Variants in ZNF385D observed in about 807,000 individuals in gnomAD.
ZNF385D encodes zinc finger protein 385D, also known as zinc finger protein 659.
A neutral mutation model predicts 35.8 loss-of-function variants in ZNF385D; 15 were observed. That is an observed-to-expected ratio of 0.42 (90% CI 0.28 to 0.64). The LOEUF is 0.64. ZNF385D is among the 30% of genes least tolerant of loss of function. The probability of loss-of-function intolerance (pLI) is 0.23; values close to 1 mark genes in which losing one functional copy is unlikely to be tolerated. For synonymous variants in ZNF385D, 212 were observed against 186.8 expected (o/e 1.13, Z -1.10); for missense variants, 474 against 494.6 (o/e 0.96, Z 0.39).
At chr3:21,934,886 A>C (rs1489399017) in intron 3 of ZNF385D, among the ~76,000 whole-genome samples, 1 of 152,204 alleles carries the variant, frequency 6.6e-6, no homozygotes, top group Non-Finnish European at 1.5e-5. Context: ...TTTATTTACC[A>C]AATAATTCTC....
intron 2 of ZNF385D, among the ~76,000 whole-genome samples, chr3:21,608,014 T>TTTTTTTTTTGTTTTTTTTTGG (rs1559455167): frequency 2.6e-5 from 3 of 113,724 alleles, no homozygotes; most frequent in African/African-American, 9.7e-5. Flanking sequence ...TTTTTCTTCT[T>TTTTTTTTTTGTTTTTTTTTGG]TTTTTTTTGT....
At chr3:22,033,966 A>C (rs897966704) in intron 3 of ZNF385D, among the ~76,000 whole-genome samples, 1 of 152,190 alleles carries the variant, frequency 6.6e-6, no homozygotes, top group African/African-American at 2.4e-5. Context: ...TCTCCAGGAA[A>C]CCTGAGACGG....
At chr3:22,067,690 A>G (rs1396622755) in intron 3 of ZNF385D, among the ~76,000 whole-genome samples, 1 of 152,228 alleles carries the variant, frequency 6.6e-6, no homozygotes, top group South Asian at 2.1e-4. Flanking sequence ...TTCAAATTAT[A>G]TAAGGGAAAG....
intron 3 of ZNF385D, among the ~76,000 whole-genome samples, chr3:21,870,023 C>G (rs1697601516): frequency 6.6e-6 from 1 of 151,764 alleles, no homozygotes; most frequent in Admixed American, 6.6e-5. Context: ...TAAAAAACAA[C>G]TTTCTCAAAT....
intron 3 of ZNF385D, among the ~76,000 whole-genome samples, chr3:21,882,240 T>C (rs3912211): frequency 0.058 from 8,893 of 152,026 alleles, 417 homozygotes; most frequent in South Asian, 0.19. Flanking sequence ...GCAGTAAACA[T>C]CTTTGTCTTT....
intron 3 of ZNF385D, among the ~76,000 whole-genome samples, chr3:21,844,128 T>A (rs2125792993): frequency 6.6e-6 from 1 of 152,110 alleles, no homozygotes; most frequent in South Asian, 2.1e-4. Context: ...TTTCACTATC[T>A]TATGTAATTT....
In ZNF385D at chr3:21,414,910, T is replaced by A. The variant is rs1036331723; in HGVS notation, c.*6304A>T. ...TCAATTCCTTTTTCATCTCTACTAA[T>A]GTTAGCATAACATCATAAGAGACAT... On this transcript the variant is annotated 3_prime_UTR_variant, in exon 8 of 8. Coordinates refer to ENST00000281523, the MANE Select transcript of ZNF385D (RefSeq NM_024697.3). The A allele has an allele frequency of 1.3e-5, 2 of 152,256 alleles. No homozygotes were observed. Among genetic ancestry groups the A allele is most frequent in the East Asian group, 3.9e-4 (2 of 5,184 alleles). 9.4% of individuals were successfully genotyped at this position (152,256 alleles called of 1,614,324 possible).
chr3:22,337,787 G>C (rs896938248), intron 2 of ZNF385D, among the ~76,000 whole-genome samples: 4 of 152,172 alleles, frequency 2.6e-5, no homozygotes, highest in African/African-American at 9.7e-5. Context: ...GGCAGGAAAA[G>C]AATGGAACCA....
At chr3:21,614,006 T>C (rs944981847) in intron 2 of ZNF385D, among the ~76,000 whole-genome samples, 4 of 152,168 alleles carry the variant, frequency 2.6e-5, no homozygotes, top group African/African-American at 9.7e-5. Flanking sequence ...GTGAGACTCA[T>C]TTATGTGTGG....
chr3:21,748,745 C>T (rs2125548469), intron 1 of ZNF385D, among the ~76,000 whole-genome samples: 1 of 152,306 alleles, frequency 6.6e-6, no homozygotes, highest in South Asian at 2.1e-4. Context: ...GAAATCGCTA[C>T]AATTTTGAAC....
rs528896528 is a variant in ZNF385D, at chr3:21,803,797, C to T, written c.326-138769G>A. Among the ~76,000 whole-genome samples the T allele has an allele frequency of 3.9e-5, 6 of 152,276 alleles. No homozygotes were observed. The East Asian group carries it at 1.2e-3, about 29-fold the overall frequency. On this transcript the variant is annotated intron_variant, in intron 3 of 5. Coordinates refer to the ZNF385D transcript ENST00000494108. Reference sequence around the variant, plus strand: ...CATATGAGATATAATTTTCAAGGAACCATTTGTTCCAAGTATCTTGGAAAG... The same window carrying T: ...CATATGAGATATAATTTTCAAGGAATCATTTGTTCCAAGTATCTTGGAAAG...
intron 2 of ZNF385D, among the ~76,000 whole-genome samples, chr3:21,652,475 A>C (rs1313528861): frequency 6.6e-6 from 1 of 152,028 alleles, no homozygotes; most frequent in African/African-American, 2.4e-5. Flanking sequence ...ATATTTTTTT[A>C]ATTTTATTAT....
intron 3 of ZNF385D, among the ~76,000 whole-genome samples, chr3:22,100,908 G>C (rs1701905461): frequency 6.6e-6 from 1 of 151,770 alleles, no homozygotes; most frequent in Admixed American, 6.6e-5. Flanking sequence ...CCAGGGTTGT[G>C]CTAGAGATTT....
Position 22,266,592 on chromosome 3 carries a change from C to T in ZNF385D, c.107-97557G>A, listed in dbSNP as rs1200845521. On this transcript the variant is annotated intron_variant, in intron 2 of 5. Transcript: ENST00000494108. The stretch of plus-strand genomic sequence containing the variant: ...AAGGAGACAGGCCAATGTAAGAGCC[C>T]TAGTCTTAGGGAACTTTGCCAGTCA... 2.0e-5 allele frequency among the ~76,000 whole-genome samples: 3 copies of T among 151,948 alleles called. No homozygotes were observed. The South Asian group carries it at 6.2e-4, about 32-fold the overall frequency.
chr3:22,366,409 A>G (rs151097698), intron 2 of ZNF385D, among the ~76,000 whole-genome samples: 12 of 152,258 alleles, frequency 7.9e-5, no homozygotes, highest in Non-Finnish European at 1.6e-4. Flanking sequence ...CTCATACAAT[A>G]TTTATTGAGT....
intron 3 of ZNF385D, among the ~76,000 whole-genome samples, chr3:21,523,528 T>C (rs372220945): frequency 5.9e-5 from 9 of 152,188 alleles, no homozygotes; most frequent in East Asian, 5.8e-4. Context: ...TGCATCACTC[T>C]TCTGAGGGTC....
At chr3:21,537,866 G>T (rs1181894924) in intron 3 of ZNF385D, among the ~76,000 whole-genome samples, 1 of 152,078 alleles carries the variant, frequency 6.6e-6, no homozygotes, top group Non-Finnish European at 1.5e-5. Flanking sequence ...ACCTGCTCTT[G>T]GCTTATATTT....
chr3:21,698,597 C>G (rs1319180990), intron 1 of ZNF385D, among the ~76,000 whole-genome samples: 2 of 151,782 alleles, frequency 1.3e-5, no homozygotes, highest in East Asian at 3.9e-4. Flanking sequence ...TATGCTCCCT[C>G]AAGCAAATAT....
rs751384224 is a variant in ZNF385D, at chr3:21,421,407, G to T, written c.995C>A (p.Ala332Asp). The change falls in exon 8 of 8, where the codon GCT (alanine) becomes GAT (aspartate). Residue 332 changes from alanine to aspartate, a missense_variant. Physicochemically the swap from Ala to Asp is moderately radical, Grantham distance 126. Transcript: ENST00000281523. Reference protein sequence around the residue: ...VFSKEPSKPLAPRILPNPLAA... With the variant: ...VFSKEPSKPLDPRILPNPLAA... ...TAGAGGATTTGGTAGAATTCGTGGA[G>T]CCAATGGCTTTGAAGGTTCTTTTGA... 2 of 1,613,640 alleles carry T rather than the reference G, an allele frequency of 1.2e-6. No individual in the cohort carries two copies. The highest frequency in any genetic ancestry group is 1.7e-6 in the Non-Finnish European group (2 of 1,179,810).
Sources: allele counts gnomAD v4.1 joint callset (sites outside exome capture counted in the v4.1 genomes callset), GRCh38; gene constraint gnomAD v4.1.1; transcripts MANE v1.5; gene names NCBI Gene and HGNC (gene_info 2026-07-23, HGNC 2026-07-21).